AMOTL2: variants seen among roughly 807,000 people sequenced by gnomAD.
AMOTL2 encodes angiomotin like 2.
AMOTL2 carries 33 observed loss-of-function variants against 78.4 expected under a neutral mutation model. The ratio of observed to expected loss-of-function variants is 0.42; its 90% CI spans 0.32 to 0.56. The LOEUF (loss-of-function observed/expected upper bound fraction) is 0.56, where lower values mean the gene tolerates loss of function less well. Ranked by LOEUF, AMOTL2 falls within the 20% of genes least tolerant of loss-of-function variation. The pLI is 0.12. For missense variants in AMOTL2, 983 were observed against 1,030.1 expected, an observed-to-expected ratio of 0.95 and a Z score of 0.63; for synonymous variants, 422 against 428.8, an observed-to-expected ratio of 0.98 and a Z score of 0.20.
Position 134,366,388 on chromosome 3 carries a change from T to C in AMOTL2, c.1081A>G (p.Ser361Gly), listed in dbSNP as rs755266286. 6.2e-7 allele frequency: 1 copy of C among 1,613,976 alleles called. No individual in the cohort carries two copies. Among genetic ancestry groups the C allele is most frequent in the Admixed American group, 1.7e-5 (1 of 60,012 alleles). ...EIQRLSEAHE[S>G]LTRASSKREA... The stretch of plus-strand genomic sequence containing the variant: ...CGCTTGGAGGAGGCTCTGGTCAGGC[T>C]CTCATGGGCCTCAGAGAGCCGCTGG... The change falls in exon 4 of 10, where the codon AGC becomes GGC. Residue 361 changes from serine (S) to glycine (G), a missense_variant. Transcript: ENST00000249883.
upstream of AMOTL2, chr3:134,374,689 G>A: frequency 1.0e-6 from 1 of 980,636 alleles, no homozygotes; most frequent in Non-Finnish European, 1.2e-6. Context: ...CCGTTCCTCC[G>A]CGCCCAGCGC....
upstream of AMOTL2, chr3:134,374,901 C>A (rs1465302921): frequency 1.7e-6 from 2 of 1,169,534 alleles, no homozygotes. Flanking sequence ...GGGACTCCGG[C>A]TGTGTGTGTG....
At chr3:134,359,167 G>A in intron 8 of AMOTL2, 116 bp downstream of exon 8, 2 of 1,135,662 alleles carry the variant, frequency 1.8e-6, no homozygotes, top group Admixed American at 2.0e-5. Flanking sequence ...CCCTGGAAGA[G>A]GGTCAGGAAG....
At chr3:134,365,987 A>G (rs1371344323) in intron 4 of AMOTL2, 78 bp from the exon 5 acceptor site, 4 of 1,428,856 alleles carry the variant, frequency 2.8e-6, no homozygotes, top group Non-Finnish European at 3.9e-6. Flanking sequence ...TCCTATCAGG[A>G]TGGGGCTGTA....
Position 134,358,653 on chromosome 3 carries a change from C to T in AMOTL2, c.2171G>A (p.Ser724Asn), listed in dbSNP as rs749486237. 8.1e-6 allele frequency: 13 copies of T among 1,613,662 alleles called. No individual in the cohort carries two copies. The highest frequency in any genetic ancestry group is 1.0e-5 in the Non-Finnish European group (12 of 1,179,792). Residue 724 changes from serine to asparagine, a missense_variant, in exon 9 of 10, where the codon AGC becomes AAC. Physicochemically the swap from Ser to Asn is conservative, Grantham distance 46. Transcript: ENST00000249883. Reference sequence around the variant, plus strand: ...CTCAGTCTGGGTGCTCCCATCTCTGCTCCCGTGTTTGGCATGGGCAGCAGG... The same window carrying T: ...CTCAGTCTGGGTGCTCCCATCTCTGTTCCCGTGTTTGGCATGGGCAGCAGG... ...APPAAHAKHG[S>N]RDGSTQTEGP...
chr3:134,358,026 T>G (rs1203645568), intron 9 of AMOTL2, among the ~76,000 whole-genome samples: 2 of 152,220 alleles, frequency 1.3e-5, no homozygotes, highest in South Asian at 2.1e-4. Flanking sequence ...TGGAGAGCCC[T>G]GAGGGAGGCA....
chr3:134,373,535 T>G, intron 1 of AMOTL2: 1 of 985,614 alleles, frequency 1.0e-6, no homozygotes, highest in Non-Finnish European at 1.2e-6. Flanking sequence ...ACTCGCCCGC[T>G]GCGCTCTCTG....
In AMOTL2 at chr3:134,361,659, C is replaced by T. The variant is rs1344050807; in HGVS notation, c.1428G>A (p.Leu476=). Residue 476 remains leucine (L), a synonymous_variant, in exon 6 of 10, where the codon CTG becomes CTA. Coordinates refer to ENST00000249883, the MANE Select transcript of AMOTL2 (RefSeq NM_016201.4). The part of the protein sequence containing the change: ...QGRAARAEEE[L]RKKQAYVEKV... ...TCTCCACATAGGCCTGCTTCTTGCG[C>T]AGCTCCTCTTCGGCTCGAGCTGCCC... is the stretch of plus-strand genomic sequence containing the variant. The T allele has an allele frequency of 1.2e-6, 2 of 1,612,532 alleles. No individual in the cohort carries two copies. The highest frequency in any genetic ancestry group is 1.3e-5 in the African/African-American group (1 of 75,068).
chr3:134,374,169 G>T, intron 1 of AMOTL2, 173 bp downstream of exon 1: 1 of 900,818 alleles, frequency 1.1e-6, no homozygotes, highest in Non-Finnish European at 1.3e-6. Flanking sequence ...GGGCAGAGCG[G>T]CCCTTGCCAG....
rs766005154 is a variant in AMOTL2 at position 134,370,891 on chromosome 3, G to A, written c.543C>T (p.Ser181=). The A allele has an allele frequency of 1.2e-5, 20 of 1,612,050 alleles. No homozygotes were observed. The South Asian group carries it at 2.1e-4, about 17-fold the overall frequency. The part of the protein sequence containing the change: ...GARAPSHMSS[S]HSFPQLARNQ... ...TGCGGGCCAGCTGTGGGAAGCTGTG[G>A]GAGGAGCTCATGTGGCTGGGGGCCC... The change falls in exon 2 of 10, where the codon TCC becomes TCT. Residue 181 remains serine (S), a synonymous_variant. Transcript: ENST00000249883.
upstream of AMOTL2, chr3:134,374,452 G>T (rs775530676): frequency 2.0e-6 from 2 of 985,454 alleles, no homozygotes; most frequent in Non-Finnish European, 2.4e-6. Flanking sequence ...CGCTCTGGCT[G>T]TTCGCGCCCC....
intron 8 of AMOTL2, 88 bp downstream of exon 8, chr3:134,359,195 T>C: frequency 6.9e-7 from 1 of 1,454,888 alleles, no homozygotes; most frequent in Non-Finnish European, 9.5e-7. Flanking sequence ...TCCTATAGCC[T>C]CAGTTCTGGG....
chr3:134,360,356 C>T lies in AMOTL2; in HGVS notation c.1633G>A (p.Ala545Thr), dbSNP rs137933371. 9 of 1,613,982 alleles carry T rather than the reference C, an allele frequency of 5.6e-6. No homozygotes were observed. The highest frequency in any genetic ancestry group is 3.3e-5 in the Admixed American group (2 of 60,010). Residue 545 changes from alanine to threonine, a missense_variant, in exon 7 of 10, where the codon GCC (alanine) becomes ACC (threonine). Physicochemically the swap from Ala to Thr is moderately conservative, Grantham distance 58 (BLOSUM62 0). Coordinates refer to ENST00000249883, the MANE Select transcript of AMOTL2 (RefSeq NM_016201.4). ...SGSGGSPELS[A>T]LRLSEQLREK... ...CGCAGTTGTTCTGACAGTCGCAGGG[C>T]GCTGAGCTCTGGAGACCCACCACTG... is the stretch of plus-strand genomic sequence containing the variant.
rs1442972841 is a variant in AMOTL2 at position 134,371,284 on chromosome 3, G to A, written c.150C>T (p.Ser50=). ...RGGAGTGGTG[S]PQASLEILAP... is the part of the protein sequence containing the mutation. Reference sequence around the variant, plus strand: ...CCAGGATCTCCAGGGAGGCCTGGGGGCTCCCTGTACCCCCAGTTCCAGCCC... The same window carrying A: ...CCAGGATCTCCAGGGAGGCCTGGGGACTCCCTGTACCCCCAGTTCCAGCCC... Residue 50 remains serine, a synonymous_variant, in exon 2 of 10, where the codon AGC becomes AGT. Transcript: ENST00000249883. The A allele has an allele frequency of 6.2e-7, 1 of 1,612,332 alleles. No individual in the cohort carries two copies. Among genetic ancestry groups the A allele is most frequent in the South Asian group, 1.1e-5 (1 of 91,048 alleles).
At chr3:134,365,717 T>C (rs551935860) in intron 5 of AMOTL2, 100 bp downstream of exon 5, 2 of 1,091,954 alleles carry the variant, frequency 1.8e-6, no homozygotes, top group African/African-American at 3.1e-5. Context: ...CCCAAAGTAC[T>C]ACTTTGCAAG....
At chr3:134,365,584 C>T (rs992117534) in intron 5 of AMOTL2, among the ~76,000 whole-genome samples, 4 of 152,260 alleles carry the variant, frequency 2.6e-5, no homozygotes, top group Admixed American at 1.3e-4. Context: ...GGCTTTCCCT[C>T]TTGTGTCAGC....
Position 134,367,546 on chromosome 3 carries a change from A to G in AMOTL2, c.992T>C (p.Leu331Pro), listed in dbSNP as rs752940369. ...CGCAGAGCTCTCCAGCTCCCTCTGCAGCCGCTCATTGTCTCTCTGCAGCCT... is the reference window on the plus strand; with the variant it reads ...CGCAGAGCTCTCCAGCTCCCTCTGCGGCCGCTCATTGTCTCTCTGCAGCCT... Reference protein sequence around the residue: ...NARLQRDNERLQRELESSAEK... With the variant: ...NARLQRDNERPQRELESSAEK... Residue 331 changes from leucine (L) to proline (P), a missense_variant, in exon 3 of 10, where the codon CTG (leucine) becomes CCG (proline). Physicochemically the swap from Leu to Pro is moderately conservative, Grantham distance 98. Transcript: ENST00000249883. 1 of 1,613,184 alleles carries G rather than the reference A, an allele frequency of 6.2e-7. No individual in the cohort carries two copies. The highest frequency in any genetic ancestry group is 1.3e-5 in the African/African-American group (1 of 75,036).
At chr3:134,358,816 G>A (rs1055891551) in intron 8 of AMOTL2, 97 bp from the exon 9 acceptor site, 1 of 1,412,160 alleles carries the variant, frequency 7.1e-7, no homozygotes, top group African/African-American at 1.4e-5. Context: ...ATTCAAGGTG[G>A]AGTGGGCTGC....
At chr3:134,374,538 C>T (rs745619122), upstream of AMOTL2, 85 of 985,402 alleles carry the variant, frequency 8.6e-5, no homozygotes, top group Admixed American at 1.2e-4. Context: ...GGTTCCCCCT[C>T]GGGATCAAAG....
Sources: allele counts gnomAD v4.1 joint callset (sites outside exome capture counted in the v4.1 genomes callset), GRCh38; gene constraint gnomAD v4.1.1; transcripts MANE v1.5; gene names NCBI Gene and HGNC (gene_info 2026-07-23, HGNC 2026-07-21).